FOCAD: variants seen among roughly 807,000 people sequenced by gnomAD.
FOCAD encodes KIAA1797.
Under a neutral mutation model 225.6 loss-of-function variants are expected in FOCAD, and 198 were observed. The observed-to-expected ratio is 0.88, with a 90% CI of 0.78 to 0.99. The LOEUF is 0.99. Ranked by LOEUF, FOCAD falls within the 50% of genes least tolerant of loss-of-function variation. The pLI, the probability that FOCAD is intolerant of heterozygous loss-of-function variation, is 0.00. For missense variants in FOCAD, 2,713 were observed against 2,123.6 expected (o/e 1.28, Z -5.46); for synonymous variants, 897 against 755.0 (o/e 1.19, Z -3.08).
chr9:20,904,297 T>C (rs1054022633), intron 21 of FOCAD, among the ~76,000 whole-genome samples: 9 of 151,996 alleles, frequency 5.9e-5, no homozygotes, highest in African/African-American at 2.2e-4. Flanking sequence ...CTCAGTCATA[T>C]GGTATTTCTA....
rs891371536 is a variant in FOCAD, at chr9:20,916,422, A to G, written c.2808-471A>G. 1.5e-4 allele frequency among the ~76,000 whole-genome samples: 23 copies of G among 152,290 alleles called. No individual in the cohort carries two copies. In the South Asian group the frequency reaches 2.3e-3, roughly 15 times the overall value. The stretch of plus-strand genomic sequence containing the variant: ...ACATAGCGACTATTTCATATGTACA[A>G]TTTGAAAATTGTAAATTGATGTTTT... On this transcript the variant is annotated intron_variant, in intron 23 of 43. Coordinates refer to ENST00000338382, the MANE Select transcript of FOCAD (RefSeq NM_001375567.1).
At chr9:20,762,367 A>G (rs189456826) in intron 6 of FOCAD, among the ~76,000 whole-genome samples, 22 of 152,296 alleles carry the variant, frequency 1.4e-4, no homozygotes, top group African/African-American at 5.3e-4. Flanking sequence ...TTTGATTTTT[A>G]TAGATTGTAT....
At chr9:20,718,214 A>C (rs1262817941) in intron 3 of FOCAD, among the ~76,000 whole-genome samples, 1 of 152,208 alleles carries the variant, frequency 6.6e-6, no homozygotes, top group Non-Finnish European at 1.5e-5. Context: ...GGTAATGAAG[A>C]GAATGAACAG....
In FOCAD at chr9:20,793,044, G is replaced by A. The variant is rs982681682; in HGVS notation, c.1455+3436G>A. 3.9e-5 allele frequency among the ~76,000 whole-genome samples: 6 copies of A among 152,252 alleles called. No individual in the cohort carries two copies. The South Asian group carries it at 6.2e-4, about 16-fold the overall frequency. ...CTTTGTACTCTGTTCTGTTGTTACCGAATTCTATGAATTGCTACCCCCTGA... is the reference window on the plus strand; with the variant it reads ...CTTTGTACTCTGTTCTGTTGTTACCAAATTCTATGAATTGCTACCCCCTGA... On this transcript the variant is annotated intron_variant, in intron 11 of 43. Coordinates refer to ENST00000338382, the MANE Select transcript of FOCAD (RefSeq NM_001375567.1).
chr9:20,662,188 G>GTGTGTGTGTGCATATA (rs559682361), intron 2 of FOCAD, among the ~76,000 whole-genome samples: 183 of 149,884 alleles, frequency 1.2e-3, no homozygotes, highest in Non-Finnish European at 2.5e-3. Flanking sequence ...AAATATATGT[G>GTGTGTGTGTGCATATA]TGTGTGTGTG....
rs75958033 is a variant in FOCAD, at chr9:20,864,083, T to C, written c.2055+1371T>C. Reference sequence around the variant, plus strand: ...TTAGGGGGAGTCTCTTCAGTGAACATAGTCCCCTTAAAAGCAGAAGTGAAG... The same window carrying C: ...TTAGGGGGAGTCTCTTCAGTGAACACAGTCCCCTTAAAAGCAGAAGTGAAG... On this transcript the variant is annotated intron_variant, in intron 16 of 43. Transcript: ENST00000338382. Among the ~76,000 whole-genome samples, 205 of 152,140 alleles carry C rather than the reference T, an allele frequency of 1.3e-3. 4 individuals carry two copies. The East Asian group carries it at 0.021, about 15-fold the overall frequency.
chr9:20,810,916 A>T (rs1325365957), intron 11 of FOCAD, among the ~76,000 whole-genome samples: 2 of 152,042 alleles, frequency 1.3e-5, no homozygotes, highest in African/African-American at 4.8e-5. Flanking sequence ...CTTATTTTCT[A>T]CATACTAGGA....
chr9:20,882,345 A>G (rs1346537530), intron 20 of FOCAD, among the ~76,000 whole-genome samples: 3 of 152,234 alleles, frequency 2.0e-5, no homozygotes, highest in Admixed American at 6.5e-5. Context: ...AAGAGAAACT[A>G]GAGGAGCTTT....
In FOCAD at chr9:20,875,179, T is replaced by G. The variant is rs192934453; in HGVS notation, c.2317+372T>G. 3.0e-4 allele frequency: 57 copies of G among 193,044 alleles called. 1 individual carries two copies. The highest frequency in any genetic ancestry group is 1.3e-3 in the African/African-American group (53 of 42,080). 12.0% of individuals were successfully genotyped at this position (193,044 alleles called of 1,614,324 possible). ...CCAAGTGAAAAGATCATTAGACTAT[T>G]CAGAGATTTACTGAGTAGTTTCATT... On this transcript the variant is annotated intron_variant, in intron 19 of 43. Transcript: ENST00000338382.
chr9:20,655,727 G>A (rs1393864149), upstream of FOCAD, among the ~76,000 whole-genome samples: 1 of 152,092 alleles, frequency 6.6e-6, no homozygotes, highest in East Asian at 1.9e-4. Flanking sequence ...CAAAAAACCA[G>A]CTCCTGGAGT....
Position 20,912,931 on chromosome 9 carries a change from CA to C in FOCAD, c.2791del (p.Ser931AlafsTer11), listed in dbSNP as rs776730128. The C allele has an allele frequency of 1.2e-6, 2 of 1,612,618 alleles. No individual in the cohort carries two copies. Among genetic ancestry groups the C allele is most frequent in the Non-Finnish European group, 1.7e-6 (2 of 1,179,252 alleles). On this transcript the variant is annotated frameshift_variant, in exon 23 of 44. Coordinates refer to ENST00000338382, the MANE Select transcript of FOCAD (RefSeq NM_001375567.1). LOFTEE classifies it high-confidence loss of function. ...AAGAAGAACCTGAGGAGGTGCAGTA[CA>C]AAAAAAGCACAGCCTGGCTCTGGTA... ...GKEEPEEVQYKKSTAWLWVRD... is the reference protein window; with the variant it reads ...GKEEPEEVQYXKSTAWLWVRD...
intron 1 of FOCAD, among the ~76,000 whole-genome samples, chr9:20,688,512 G>A (rs1016770684): frequency 6.6e-6 from 1 of 152,196 alleles, no homozygotes; most frequent in African/African-American, 2.4e-5. Flanking sequence ...GTATTTGGCT[G>A]CTTTGGCCTG....
intron 11 of FOCAD, among the ~76,000 whole-genome samples, chr9:20,798,049 A>G (rs187615833): frequency 3.7e-4 from 56 of 152,284 alleles, no homozygotes; most frequent in African/African-American, 1.2e-3. Flanking sequence ...GAGAGTTTTT[A>G]GCATGAAGCA....
At chr9:20,841,391 C>A (rs939223730) in intron 15 of FOCAD, among the ~76,000 whole-genome samples, 6 of 150,642 alleles carry the variant, frequency 4.0e-5, no homozygotes, top group African/African-American at 1.5e-4. Flanking sequence ...CCATCAGTTT[C>A]TGGGCTTTTT....
chr9:20,923,535 A>G, intron 24 of FOCAD, 125 bp from the exon 25 acceptor site: 1 of 639,852 alleles, frequency 1.6e-6, no homozygotes, highest in Non-Finnish European at 2.8e-6. Flanking sequence ...ACAGACCTGC[A>G]TTTACAAGAC....
intron 35 of FOCAD, among the ~76,000 whole-genome samples, chr9:20,961,251 G>T (rs12238115): frequency 0.35 from 51,933 of 150,154 alleles, 9,222 homozygotes; most frequent in East Asian, 0.47. Flanking sequence ...AAATTCCTAT[G>T]TTATTTAACT....
chr9:20,852,686 A>T (rs1481622910), intron 15 of FOCAD, among the ~76,000 whole-genome samples: 1 of 151,838 alleles, frequency 6.6e-6, no homozygotes, highest in Non-Finnish European at 1.5e-5. Context: ...TGCCTAATTC[A>T]TCAATTTTTT....
intron 3 of FOCAD, among the ~76,000 whole-genome samples, chr9:20,719,179 T>TCC: frequency 6.6e-6 from 1 of 152,202 alleles, no homozygotes; most frequent in African/African-American, 2.4e-5. Context: ...CCTCCTGGGT[T>TCC]CAAGCAGTTC....
intron 42 of FOCAD, among the ~76,000 whole-genome samples, chr9:20,992,920 G>A (rs954946585): frequency 4.6e-5 from 7 of 151,660 alleles, no homozygotes; most frequent in African/African-American, 1.7e-4. Context: ...CCGAGATTGC[G>A]CTACTGCACT....
Sources: allele counts gnomAD v4.1 joint callset (sites outside exome capture counted in the v4.1 genomes callset), GRCh38; gene constraint gnomAD v4.1.1; transcripts MANE v1.5; gene names NCBI Gene and HGNC (gene_info 2026-07-23, HGNC 2026-07-21).